The following CDH13 variants were observed in gnomAD, a reference collection of about 807,000 sequenced individuals.
The protein encoded by CDH13 is cadherin 13.
A neutral mutation model predicts 63.8 loss-of-function variants in CDH13; 24 were observed. That is an observed-to-expected ratio of 0.38 (90% CI 0.27 to 0.53). The LOEUF is 0.53. CDH13 is among the 20% of genes least tolerant of loss of function. The probability of loss-of-function intolerance (pLI) is 0.85; values close to 1 mark genes in which losing one functional copy is unlikely to be tolerated. For missense variants in CDH13, 1,049 were observed against 903.1 expected (o/e 1.16, Z -2.07); for synonymous variants, 503 against 355.3 (o/e 1.42, Z -4.67).
At chr16:82,726,662 C>T (rs886274028) in intron 1 of CDH13, among the ~76,000 whole-genome samples, 1 of 152,200 alleles carries the variant, frequency 6.6e-6, no homozygotes, top group African/African-American at 2.4e-5. Flanking sequence ...GTCTCCTCTT[C>T]TGCAAAAGAG....
At chr16:83,350,220 C>T (rs1015323463) in intron 6 of CDH13, among the ~76,000 whole-genome samples, 1 of 152,202 alleles carries the variant, frequency 6.6e-6, no homozygotes, top group African/African-American at 2.4e-5. Context: ...TGTGTTCGCT[C>T]TCCTGGCTTT....
chr16:83,055,456 A>G (rs985917047), intron 3 of CDH13, among the ~76,000 whole-genome samples: 1 of 151,970 alleles, frequency 6.6e-6, no homozygotes, highest in African/African-American at 2.4e-5. Context: ...AAGAATAAGA[A>G]AAAAGAAGAA....
chr16:82,777,544 C>T (rs978034818), intron 1 of CDH13, among the ~76,000 whole-genome samples: 1 of 152,162 alleles, frequency 6.6e-6, no homozygotes, highest in Non-Finnish European at 1.5e-5. Context: ...AGTTCTGTAC[C>T]ATCGTCTATA....
At chr16:83,253,236 C>G (rs1372100943) in intron 5 of CDH13, among the ~76,000 whole-genome samples, 1 of 152,184 alleles carries the variant, frequency 6.6e-6, no homozygotes, top group South Asian at 2.1e-4. Context: ...CCGTAAAAGG[C>G]TTCCTATAAG....
intron 1 of CDH13, among the ~76,000 whole-genome samples, chr16:82,790,352 G>T (rs928194420): frequency 4.6e-5 from 7 of 151,964 alleles, no homozygotes; most frequent in African/African-American, 1.7e-4. Flanking sequence ...GGAGAATTGC[G>T]TGAACCCGGG....
chr16:83,482,212 C>G (rs13336811), intron 6 of CDH13, among the ~76,000 whole-genome samples: 58,214 of 152,084 alleles, frequency 0.38, 12,008 homozygotes, highest in African/African-American at 0.55. Flanking sequence ...TGGCAAGAAG[C>G]CAATTCAACC....
intron 2 of CDH13, among the ~76,000 whole-genome samples, chr16:83,014,858 A>ATATATATATTTG (rs1914597434): frequency 2.1e-5 from 2 of 96,896 alleles, no homozygotes; most frequent in South Asian, 8.5e-4. Context: ...ATATATTTGT[A>ATATATATATTTG]TATATATATG....
chr16:83,408,656 A>G (rs563059595), intron 6 of CDH13, among the ~76,000 whole-genome samples: 1 of 152,244 alleles, frequency 6.6e-6, no homozygotes, highest in African/African-American at 2.4e-5. Flanking sequence ...ATATATTGTT[A>G]TCCAGCAATG....
chr16:83,530,030 C>T (rs929488050), intron 7 of CDH13, among the ~76,000 whole-genome samples: 3 of 152,068 alleles, frequency 2.0e-5, no homozygotes, highest in Non-Finnish European at 4.4e-5. Context: ...GTGCCTGATG[C>T]AGACACTGAG....
intron 3 of CDH13, among the ~76,000 whole-genome samples, chr16:83,066,525 G>A (rs965342387): frequency 1.4e-5 from 2 of 144,248 alleles, no homozygotes; most frequent in African/African-American, 2.9e-5. Context: ...GCTTACAAAA[G>A]GGATTATAAA....
intron 3 of CDH13, among the ~76,000 whole-genome samples, chr16:83,086,234 G>C (rs1359439076): frequency 6.6e-6 from 1 of 152,186 alleles, no homozygotes; most frequent in African/African-American, 2.4e-5. Context: ...CTACAAAACA[G>C]TCAAGACATT....
At chr16:83,548,434 C>A (rs2075428974) in intron 7 of CDH13, among the ~76,000 whole-genome samples, 1 of 152,164 alleles carries the variant, frequency 6.6e-6, no homozygotes, top group South Asian at 2.1e-4. Context: ...CCCCCAACAG[C>A]AAAGCTTTAT....
intron 4 of CDH13, among the ~76,000 whole-genome samples, chr16:83,193,418 T>C (rs1254238139): frequency 4.6e-5 from 7 of 152,196 alleles, no homozygotes; most frequent in Non-Finnish European, 8.8e-5. Flanking sequence ...CCCCAAACCC[T>C]ACCTCCTGGG....
At chr16:82,967,467 T>A (rs1033265220) in intron 2 of CDH13, among the ~76,000 whole-genome samples, 2 of 152,194 alleles carry the variant, frequency 1.3e-5, no homozygotes, top group African/African-American at 2.4e-5. Flanking sequence ...CCTAGTACAA[T>A]TCTCAGTAAG....
chr16:83,777,217 T>C (rs1915182004), intron 11 of CDH13, among the ~76,000 whole-genome samples: 1 of 152,244 alleles, frequency 6.6e-6, no homozygotes, highest in South Asian at 2.1e-4. Flanking sequence ...AGATTGTTCC[T>C]GGATCACTGC....
chr16:83,209,062 A>G (rs2039261520), intron 4 of CDH13, among the ~76,000 whole-genome samples: 1 of 152,138 alleles, frequency 6.6e-6, no homozygotes, highest in Non-Finnish European at 1.5e-5. Flanking sequence ...AGCAGGTTCA[A>G]GATGCCAAAG....
intron 3 of CDH13, among the ~76,000 whole-genome samples, chr16:83,080,893 T>G (rs1307681081): frequency 3.7e-5 from 5 of 135,960 alleles, no homozygotes; most frequent in Non-Finnish European, 7.8e-5. Context: ...TTTTTTTTTT[T>G]TTTTTGAGAC....
intron 8 of CDH13, among the ~76,000 whole-genome samples, chr16:83,620,505 G>A (rs993583659): frequency 6.6e-6 from 1 of 152,076 alleles, no homozygotes; most frequent in Admixed American, 6.6e-5. Context: ...GAGATTGCTG[G>A]GGATGCCAAC....
intron 2 of CDH13, among the ~76,000 whole-genome samples, chr16:82,942,535 G>A (rs757217499): frequency 2.0e-5 from 3 of 152,170 alleles, no homozygotes; most frequent in Non-Finnish European, 4.4e-5. Flanking sequence ...GAGCGGATGT[G>A]CCATTTAGGT....
Sources: gnomAD v4.1 joint callset for allele counts (sites outside exome capture counted in the v4.1 genomes callset) on GRCh38, gnomAD v4.1.1 for gene constraint, MANE v1.5 for transcripts, NCBI Gene and HGNC (gene_info 2026-07-23, HGNC 2026-07-21) for gene names.